Variants in ZZEF1 observed in about 807,000 individuals in gnomAD.
ZZEF1 encodes the protein zinc finger ZZ-type and EF-hand domain-containing protein 1.
In ZZEF1, 157 loss-of-function variants were observed where a neutral mutation model predicts 342.8. That is an observed-to-expected ratio of 0.46 (90% confidence interval 0.40 to 0.52). The LOEUF is 0.52. Among genes scored for constraint, ZZEF1 ranks in the 20% least tolerant of loss-of-function variants. ZZEF1 has a pLI of 0.00. For missense variants in ZZEF1, 3,480 were observed against 3,725.6 expected (o/e 0.93, Z 1.72); for synonymous variants, 1,505 against 1,429.1 (o/e 1.05, Z -1.20).
At chr17:4,131,637 A>G (rs769528645) in intron 1 of ZZEF1, among the ~76,000 whole-genome samples, 43 of 151,990 alleles carry the variant, frequency 2.8e-4, no homozygotes, top group Non-Finnish European at 2.6e-4. Context: ...AAAATTTGCC[A>G]GGCGTGGTGG....
At chr17:4,037,628 A>C (rs980662772) in intron 39 of ZZEF1, among the ~76,000 whole-genome samples, 1 of 152,208 alleles carries the variant, frequency 6.6e-6, no homozygotes, top group African/African-American at 2.4e-5. Context: ...CTATTGCCCA[A>C]ACTGGAATGC....
In ZZEF1 at chr17:4,017,394, C is replaced by G. The variant is rs561514891; in HGVS notation, c.7978G>C (p.Glu2660Gln). Reference protein sequence around the residue: ...TYILDMFMQLEEKHEWEKILQ... With the variant: ...TYILDMFMQLQEKHEWEKILQ... ...ACCTTCTCCCACTCATGCTTTTCTT[C>G]CAGCTGCATGAACATATCCAAAATG... The change falls in exon 48 of 55, where the codon GAA becomes CAA. Residue 2660 changes from glutamate to glutamine, a missense_variant. Around this residue, in one of 5 missense-constraint regions of ZZEF1, gnomAD observed 1,269 missense variants for 1,342.4 expected, o/e 0.95. Transcript: ENST00000381638. This position sits in a 1 kb window ranked among gnomAD's most constrained non-coding sequence, Gnocchi z 5.1. 6.2e-7 allele frequency: 1 copy of G among 1,600,254 alleles called. No individual in the cohort carries two copies. Among genetic ancestry groups the G allele is most frequent in the East Asian group, 2.2e-5 (1 of 44,488 alleles).
At position 4,005,923 on chromosome 17, in the gene ZZEF1, C is replaced by T. The variant is rs2055790543; in HGVS notation, c.*967G>A. On this transcript the variant is annotated 3_prime_UTR_variant, in exon 55 of 55. Coordinates refer to ENST00000381638, the MANE Select transcript of ZZEF1 (RefSeq NM_015113.4). ...AAAGAAAAATGTAAAACAGCACTGA[C>T]TAGAACTAATGTCGTTATTGCTACA... The T allele has an allele frequency of 6.6e-6, 1 of 152,232 alleles. No homozygotes were observed. Among genetic ancestry groups the T allele is most frequent in the Non-Finnish European group, 1.5e-5 (1 of 68,068 alleles). The allele number at this position is 152,232 out of a possible 1,614,324, so 9.4% of individuals were successfully genotyped here.
rs138143591 is a variant in ZZEF1 at position 4,077,971 on chromosome 17, G to A, written c.2901C>T (p.Val967=). ...GSVLFSLFWS[V]QGSLLSWCYL... is the part of the protein sequence containing the mutation. ...AGCACCAGGATAGCAGGCTGCCTTG[G>A]ACGGACCAGAACAGGGAGAAGAGCA... The change falls in exon 19 of 55, where the codon GTC becomes GTT. Residue 967 remains valine (V), a synonymous_variant. Transcript: ENST00000381638. 922 of 1,614,172 alleles carry A rather than the reference G, an allele frequency of 5.7e-4. No individual in the cohort carries two copies. Among genetic ancestry groups the A allele is most frequent in the Non-Finnish European group, 7.3e-4 (856 of 1,180,040 alleles).
intron 26 of ZZEF1, among the ~76,000 whole-genome samples, chr17:4,069,065 C>T (rs1597843849): frequency 6.6e-6 from 1 of 152,186 alleles, no homozygotes; most frequent in Non-Finnish European, 1.5e-5. Context: ...CAAGACATTC[C>T]GAGTTCCCAC....
intron 1 of ZZEF1, among the ~76,000 whole-genome samples, chr17:4,127,392 T>C (rs2058589331): frequency 6.6e-6 from 1 of 152,176 alleles, no homozygotes; most frequent in South Asian, 2.1e-4. Context: ...TAAAGTGTTA[T>C]TTTGTAGAGA....
Position 4,076,726 on chromosome 17 carries a change from T to A in ZZEF1, c.3145A>T (p.Ile1049Phe). The A allele has an allele frequency of 2.5e-6, 4 of 1,612,398 alleles. No homozygotes were observed. Among genetic ancestry groups the A allele is most frequent in the Non-Finnish European group, 3.4e-6 (4 of 1,178,534 alleles). Residue 1049 changes from isoleucine to phenylalanine, a missense_variant, in exon 21 of 55, where the codon ATC becomes TTC. Physicochemically the swap from Ile to Phe is conservative, Grantham distance 21. Coordinates refer to ENST00000381638, the MANE Select transcript of ZZEF1 (RefSeq NM_015113.4). ...IFLLDFCTLD[I>F]PHCVLLREFS... is the part of the protein sequence containing the mutation. ...TCTCTCAAGAGCACGCAGTGTGGGATGTCTAAAGTGCAGAAGTCCAGCAGG... is the reference window on the plus strand; with the variant it reads ...TCTCTCAAGAGCACGCAGTGTGGGAAGTCTAAAGTGCAGAAGTCCAGCAGG...
chr17:4,070,161 C>A (rs144142950), intron 26 of ZZEF1, among the ~76,000 whole-genome samples: 7 of 152,188 alleles, frequency 4.6e-5, no homozygotes, highest in Middle Eastern at 3.2e-3. Flanking sequence ...GGTGATGCTA[C>A]GAAGGCGCTG....
Position 4,123,268 on chromosome 17 carries a change from CATATATATATATATATATAT to C in ZZEF1, c.499+619_499+638del, listed in dbSNP as rs60101709. 5.2e-3 allele frequency among the ~76,000 whole-genome samples: 446 copies of C among 85,330 alleles called. 11 individuals carry two copies. The highest frequency in any genetic ancestry group is 0.017 in the East Asian group (53 of 3,132). The allele number at this position is 85,330 out of a possible 152,430, so 56.0% of individuals were successfully genotyped here. ...TTTATACATTAGAATTTATCATAAC[CATATATATATATATATATAT>C]ATATATATATATATATATATATCAG... is the stretch of plus-strand genomic sequence containing the variant. On this transcript the variant is annotated intron_variant, in intron 2 of 54. Transcript: ENST00000381638.
chr17:4,076,904 T>C lies in ZZEF1; in HGVS notation c.3075A>G (p.Leu1025=), dbSNP rs1204859664. The C allele has an allele frequency of 2.5e-6, 4 of 1,614,212 alleles. No homozygotes were observed. The South Asian group carries it at 4.4e-5, about 18-fold the overall frequency. ...QYSGKTIVER[L]CNSVFSMAAR... Reference sequence around the variant, plus strand: ...CTGCCATTGAAAACACTGAGTTACATAATCTTTCTACTATGGTTTTTCCAC... The same window carrying C: ...CTGCCATTGAAAACACTGAGTTACACAATCTTTCTACTATGGTTTTTCCAC... Residue 1025 remains leucine, a synonymous_variant, in exon 20 of 55, where the codon TTA becomes TTG. Transcript: ENST00000381638.
chr17:4,018,581 G>C (rs2144966575), intron 46 of ZZEF1, among the ~76,000 whole-genome samples: 1 of 152,332 alleles, frequency 6.6e-6, no homozygotes, highest in East Asian at 1.9e-4. Context: ...ACAGAAGTGA[G>C]GTACAGAAAC....
rs748043625 is a variant in ZZEF1 at position 4,017,539 on chromosome 17, G to C, written c.7833C>G (p.Asn2611Lys). 1 of 1,614,126 alleles carries C rather than the reference G, an allele frequency of 6.2e-7. No individual in the cohort carries two copies. The highest frequency in any genetic ancestry group is 1.3e-5 in the African/African-American group (1 of 74,942). The change falls in exon 48 of 55, where the codon AAC becomes AAG. Residue 2611 changes from asparagine to lysine, a missense_variant. Physicochemically the swap from Asn to Lys is moderately conservative, Grantham distance 94. This residue lies in a region of ZZEF1 where 1,269 missense variants were observed against 1,342.4 expected (regional missense o/e 0.95). Transcript: ENST00000381638. This position sits in a 1 kb window ranked among gnomAD's most constrained non-coding sequence, Gnocchi z 5.1. ...GGGCGTACAGGACAGCTGTGGCCTC[G>C]TTCACTCGGAAGAGGTAGTCCCGGA... ...RAVRDYLFRV[N>K]EATAVLYARH... is the part of the protein sequence containing the mutation.
At chr17:4,129,321 G>C (rs79498187) in intron 1 of ZZEF1, among the ~76,000 whole-genome samples, 3 of 152,098 alleles carry the variant, frequency 2.0e-5, no homozygotes, top group African/African-American at 7.2e-5. Context: ...GCAATGTGGC[G>C]ATTCCTCAAA....
At chr17:4,030,834 T>A (rs528063534) in intron 42 of ZZEF1, among the ~76,000 whole-genome samples, 123 of 152,290 alleles carry the variant, frequency 8.1e-4, no homozygotes, top group South Asian at 1.4e-3. Flanking sequence ...GTCAAAACAA[T>A]TCTGAAAAAG....
chr17:4,075,307 G>C lies in ZZEF1; in HGVS notation c.3357C>G (p.Thr1119=), dbSNP rs531014481. The C allele has an allele frequency of 1.9e-6, 3 of 1,614,114 alleles. No individual in the cohort carries two copies. The South Asian group carries it at 3.3e-5, about 18-fold the overall frequency. ...EVSVFVSPGA[T]YFEVEFDDRC... ...TGTCATCGAATTCCACTTCAAAATAGGTTGCCCCTGGGCTAACAAAGACGG... is the reference window on the plus strand; with the variant it reads ...TGTCATCGAATTCCACTTCAAAATACGTTGCCCCTGGGCTAACAAAGACGG... Residue 1119 remains threonine, a synonymous_variant, in exon 22 of 55, where the codon ACC becomes ACG. Coordinates refer to ENST00000381638, the MANE Select transcript of ZZEF1 (RefSeq NM_015113.4).
chr17:4,138,475 A>G (rs1418628000), intron 1 of ZZEF1, among the ~76,000 whole-genome samples: 1 of 152,230 alleles, frequency 6.6e-6, no homozygotes, highest in African/African-American at 2.4e-5. Context: ...AAAAGGTTAC[A>G]GACTGAATAT....
intron 1 of ZZEF1, among the ~76,000 whole-genome samples, chr17:4,127,071 G>C (rs569895710): frequency 1.3e-5 from 2 of 151,368 alleles, no homozygotes; most frequent in East Asian, 1.9e-4. Flanking sequence ...GCAGTAGTGC[G>C]ATCAGCTCAC....
rs568824722 is a variant in ZZEF1 at position 4,004,778 on chromosome 17, G to C, written c.*2112C>G. On this transcript the variant is annotated 3_prime_UTR_variant, in exon 55 of 55. Coordinates refer to ENST00000381638, the MANE Select transcript of ZZEF1 (RefSeq NM_015113.4). ...GGGCTCCTGGAAAGCGCCGGGACGCGGCGGCTCTGGCTCGGCAGCGCCACC... is the reference window on the plus strand; with the variant it reads ...GGGCTCCTGGAAAGCGCCGGGACGCCGCGGCTCTGGCTCGGCAGCGCCACC... 8 of 152,370 alleles carry C rather than the reference G, an allele frequency of 5.3e-5. No individual in the cohort carries two copies. In the East Asian group the frequency reaches 1.5e-3, roughly 29 times the overall value. The allele number at this position is 152,370 out of a possible 1,614,324, so 9.4% of individuals were successfully genotyped here.
In ZZEF1 at chr17:4,009,606, G is replaced by C. The variant is rs780357348; in HGVS notation, c.8731C>G (p.Gln2911Glu). The stretch of plus-strand genomic sequence containing the variant: ...CCTGCCCAGACCTCAGGCCTCACCT[G>C]GGCACGGTTCTCGGTGACGAAGAAG... Reference protein sequence around the residue: ...ELFFVTENRAQELGVLQDYLL... With the variant: ...ELFFVTENRAEELGVLQDYLL... The change falls in exon 53 of 55, where the codon CAG (glutamine) becomes GAG (glutamate). Residue 2911 changes from glutamine to glutamate, a missense_variant and splice_region_variant. Around this residue, in one of 5 missense-constraint regions of ZZEF1, gnomAD observed 1,269 missense variants for 1,342.4 expected, o/e 0.95. Coordinates refer to ENST00000381638, the MANE Select transcript of ZZEF1 (RefSeq NM_015113.4). 1.9e-6 allele frequency: 3 copies of C among 1,613,198 alleles called. No individual in the cohort carries two copies. In the Admixed American group the frequency reaches 5.0e-5, roughly 27 times the overall value.
Sources: allele counts gnomAD v4.1 joint callset (sites outside exome capture counted in the v4.1 genomes callset), GRCh38; gene constraint gnomAD v4.1.1; regional missense constraint gnomAD v4.1.1; non-coding constraint Gnocchi (gnomAD v3.1); transcripts MANE v1.5; gene names NCBI Gene and HGNC (gene_info 2026-07-23, HGNC 2026-07-21).